TGFBR3: variants seen among roughly 807,000 people sequenced by gnomAD.
TGFBR3 encodes transforming growth factor beta receptor type 3.
Under a neutral mutation model 87.9 loss-of-function variants are expected in TGFBR3, and 46 were observed. The ratio of observed to expected loss-of-function variants is 0.52; its 90% CI spans 0.41 to 0.67. TGFBR3 has a LOEUF of 0.67. Among genes scored for constraint, TGFBR3 ranks in the 30% least tolerant of loss-of-function variants. TGFBR3 has a pLI of 0.00. For synonymous variants in TGFBR3, 381 were observed against 391.6 expected (o/e 0.97, Z 0.32); for missense variants, 866 against 1,041.9 (o/e 0.83, Z 2.32).
At chr1:91,875,474 G>A (rs1268806312) in intron 1 of TGFBR3, among the ~76,000 whole-genome samples, 1 of 152,032 alleles carries the variant, frequency 6.6e-6, no homozygotes, top group Non-Finnish European at 1.5e-5. Flanking sequence ...TTGAAGCACA[G>A]AAATATGAGC....
At chr1:91,759,898 G>A (rs964395507) in intron 3 of TGFBR3, among the ~76,000 whole-genome samples, 3 of 152,272 alleles carry the variant, frequency 2.0e-5, no homozygotes, top group African/African-American at 7.2e-5. Flanking sequence ...CTAAATGCTG[G>A]ACTATTTCAC....
At chr1:91,837,106 A>G (rs1264443433) in intron 2 of TGFBR3, among the ~76,000 whole-genome samples, 4 of 152,228 alleles carry the variant, frequency 2.6e-5, no homozygotes, top group Admixed American at 2.0e-4. Flanking sequence ...GATTCTTAAT[A>G]GATTCTAGCT....
At chr1:91,896,552 A>G (rs1265464649) in intron 2 of TGFBR3, among the ~76,000 whole-genome samples, 1 of 152,218 alleles carries the variant, frequency 6.6e-6, no homozygotes, top group Non-Finnish European at 1.5e-5. Context: ...AGGTTCTGAC[A>G]TGAGGAAGGG....
chr1:91,731,034 T>C (rs1003195931), intron 5 of TGFBR3, among the ~76,000 whole-genome samples: 35 of 152,326 alleles, frequency 2.3e-4, no homozygotes, highest in African/African-American at 8.2e-4. Context: ...CAACAGAACT[T>C]GAAAGAAACT....
intron 2 of TGFBR3, among the ~76,000 whole-genome samples, chr1:91,844,139 C>G (rs1361895676): frequency 6.6e-6 from 1 of 152,200 alleles, no homozygotes; most frequent in Admixed American, 6.5e-5. Context: ...GCAACACTAG[C>G]CTTCAGCCTT....
rs772030592 is a variant in TGFBR3, at chr1:91,797,280, C to T, written c.246+7G>A. 4 of 1,613,818 alleles carry T rather than the reference C, an allele frequency of 2.5e-6. No individual in the cohort carries two copies. The highest frequency in any genetic ancestry group is 1.3e-5 in the African/African-American group (1 of 74,948). On this transcript the variant is annotated splice_region_variant and intron_variant, in intron 3 of 16. Transcript: ENST00000212355. ...GCAGTGGGCTGAGAGCTGACACCTG[C>T]ACCTACCTCTCTCTGTAGCTGGCCA... is the stretch of plus-strand genomic sequence containing the variant.
At chr1:91,849,911 T>A (rs2101140314) in intron 2 of TGFBR3, among the ~76,000 whole-genome samples, 1 of 151,580 alleles carries the variant, frequency 6.6e-6, no homozygotes, top group Admixed American at 6.6e-5. Flanking sequence ...TGAAACCCCG[T>A]CTCTGCTAAA....
chr1:91,841,593 G>A (rs1227487480), intron 2 of TGFBR3, among the ~76,000 whole-genome samples: 1 of 151,986 alleles, frequency 6.6e-6, no homozygotes, highest in Admixed American at 6.6e-5. Context: ...AGGAGTTCAA[G>A]ACCAGCCTGA....
chr1:91,742,525 A>C (rs1230949576), intron 4 of TGFBR3, among the ~76,000 whole-genome samples: 1 of 152,210 alleles, frequency 6.6e-6, no homozygotes, highest in Non-Finnish European at 1.5e-5. Context: ...TTTTCACCTA[A>C]TAACTCCACC....
intron 12 of TGFBR3, among the ~76,000 whole-genome samples, chr1:91,713,591 G>A (rs11165306): frequency 0.38 from 57,034 of 152,048 alleles, 11,145 homozygotes; most frequent in Non-Finnish European, 0.44. Flanking sequence ...GACTTTCCAC[G>A]CTGAGATACC....
intron 2 of TGFBR3, among the ~76,000 whole-genome samples, chr1:91,804,938 C>A (rs976942913): frequency 1.3e-5 from 2 of 152,194 alleles, no homozygotes; most frequent in African/African-American, 4.8e-5. Context: ...TGTGTTACCA[C>A]GTAAGGATCA....
intron 2 of TGFBR3, among the ~76,000 whole-genome samples, chr1:91,822,460 G>A (rs1283303758): frequency 1.3e-5 from 2 of 151,860 alleles, no homozygotes; most frequent in Non-Finnish European, 2.9e-5. Context: ...TATTTTGGGG[G>A]CTCAGTTGAA....
chr1:91,868,952 C>A (rs556268419), intron 1 of TGFBR3, among the ~76,000 whole-genome samples: 3 of 152,288 alleles, frequency 2.0e-5, no homozygotes, highest in Admixed American at 1.3e-4. Flanking sequence ...CACCAACCAT[C>A]GTCTAGTTAG....
chr1:91,762,810 AC>A (rs1674020652), intron 3 of TGFBR3, among the ~76,000 whole-genome samples: 1 of 152,224 alleles, frequency 6.6e-6, no homozygotes, highest in South Asian at 2.1e-4. Flanking sequence ...CAACAAACAT[AC>A]AATTTTATAA....
chr1:91,757,883 A>C (rs1673804291), intron 4 of TGFBR3, among the ~76,000 whole-genome samples: 1 of 152,200 alleles, frequency 6.6e-6, no homozygotes, highest in Admixed American at 6.5e-5. Flanking sequence ...TTAAGGCCTC[A>C]GGCACCGCAG....
chr1:91,700,677 C>T (rs988313793), intron 14 of TGFBR3, among the ~76,000 whole-genome samples: 5 of 152,184 alleles, frequency 3.3e-5, no homozygotes, highest in African/African-American at 1.2e-4. Flanking sequence ...AGAACACACA[C>T]TAATTACGCT....
chr1:91,758,088 T>C (rs926229066), intron 4 of TGFBR3, among the ~76,000 whole-genome samples: 2 of 152,210 alleles, frequency 1.3e-5, no homozygotes, highest in African/African-American at 2.4e-5. Flanking sequence ...TAGGTAATAT[T>C]TGGATCTTTC....
intron 2 of TGFBR3, among the ~76,000 whole-genome samples, chr1:91,799,260 G>C (rs1005394223): frequency 6.6e-6 from 1 of 152,244 alleles, no homozygotes. Flanking sequence ...GGTCTGAAAT[G>C]AAGTATGTGC....
chr1:91,831,156 A>G (rs1331215388), intron 2 of TGFBR3, among the ~76,000 whole-genome samples: 1 of 152,144 alleles, frequency 6.6e-6, no homozygotes, highest in Non-Finnish European at 1.5e-5. Flanking sequence ...AAAACCAGTA[A>G]TAGTTTGTCT....
Sources: gnomAD v4.1 joint callset for allele counts (sites outside exome capture counted in the v4.1 genomes callset) on GRCh38, gnomAD v4.1.1 for gene constraint, MANE v1.5 for transcripts, NCBI Gene and HGNC (gene_info 2026-07-23, HGNC 2026-07-21) for gene names.